TAFA5: variants seen among roughly 807,000 people sequenced by gnomAD.
TAFA5 encodes chemokine-like protein TAFA-5.
Under a neutral mutation model 15.3 loss-of-function variants are expected in TAFA5, and 6 were observed. The observed-to-expected ratio is 0.39, with a 90% CI of 0.21 to 0.77. The LOEUF (loss-of-function observed/expected upper bound fraction) is 0.77. Ranked by LOEUF, TAFA5 falls within the 30% of genes least tolerant of loss-of-function variation. TAFA5 has a pLI of 0.41. For synonymous variants in TAFA5, 103 were observed against 80.7 expected, an observed-to-expected ratio of 1.28 and a Z score of -1.48; for missense variants, 161 against 193.1, an observed-to-expected ratio of 0.83 and a Z score of 0.98.
chr22:48,745,528 T>A (rs1335614169), intron 3 of TAFA5, among the ~76,000 whole-genome samples: 1 of 151,940 alleles, frequency 6.6e-6, no homozygotes, highest in African/African-American at 2.4e-5. Flanking sequence ...CACGGCTTTG[T>A]CGTCGGCAGC....
At chr22:48,597,366 G>A (rs771686046) in intron 1 of TAFA5, among the ~76,000 whole-genome samples, 8 of 147,856 alleles carry the variant, frequency 5.4e-5, no homozygotes, top group South Asian at 2.2e-4. Flanking sequence ...TCTTCACCAC[G>A]CCACCTGGCC....
intron 3 of TAFA5, among the ~76,000 whole-genome samples, chr22:48,720,695 A>G (rs1259393933): frequency 1.3e-5 from 2 of 152,068 alleles, no homozygotes; most frequent in African/African-American, 2.4e-5. Flanking sequence ...AGTTCTCATT[A>G]TGTTCACAAT....
chr22:48,600,570 G>A (rs115609278), intron 1 of TAFA5, among the ~76,000 whole-genome samples: 4,560 of 18,212 alleles, frequency 0.25, 230 homozygotes, highest in African/African-American at 0.43. Context: ...GTGATTTCGT[G>A]TGTGTGTGCA....
chr22:48,620,972 A>G, intron 1 of TAFA5, among the ~76,000 whole-genome samples: 1 of 57,202 alleles, frequency 1.7e-5, no homozygotes, highest in Non-Finnish European at 3.5e-5. Flanking sequence ...CACCTATCCT[A>G]TTCATCCATC....
chr22:48,508,601 G>C (rs971965967), intron 1 of TAFA5, among the ~76,000 whole-genome samples: 2 of 152,184 alleles, frequency 1.3e-5, no homozygotes, highest in African/African-American at 4.8e-5. Context: ...ATCCTCATGG[G>C]TCCCAGGACT....
At chr22:48,548,685 A>T (rs941032385) in intron 1 of TAFA5, among the ~76,000 whole-genome samples, 2 of 152,258 alleles carry the variant, frequency 1.3e-5, no homozygotes, top group Non-Finnish European at 2.9e-5. Context: ...CATCACTGCC[A>T]GCCCCTCCAG....
intron 2 of TAFA5, among the ~76,000 whole-genome samples, chr22:48,699,915 G>A (rs1485400816): frequency 6.6e-6 from 1 of 152,134 alleles, no homozygotes; most frequent in Non-Finnish European, 1.5e-5. Context: ...AGAGCAGCTC[G>A]CACACCCCAC....
Position 48,534,475 on chromosome 22 carries a change from C to T in TAFA5, c.112+44771C>T, listed in dbSNP as rs181672830. 7.2e-5 allele frequency among the ~76,000 whole-genome samples: 11 copies of T among 152,144 alleles called. No individual in the cohort carries two copies. In the South Asian group the frequency reaches 1.2e-3, roughly 17 times the overall value. ...GAGTGTGGAGGCAGAGAGGAGGGGC[C>T]GTGTCAGCTGAGCAGCAGGTCCAGG... On this transcript the variant is annotated intron_variant, in intron 1 of 3. Transcript: ENST00000402357.
At chr22:48,509,159 T>A (rs1424097779) in intron 1 of TAFA5, among the ~76,000 whole-genome samples, 3 of 152,240 alleles carry the variant, frequency 2.0e-5, no homozygotes, top group African/African-American at 7.2e-5. Flanking sequence ...TCTTTACGGC[T>A]GAATACTACT....
Position 48,489,705 on chromosome 22 carries a change from G to T in TAFA5, c.112+1G>T. The T allele has an allele frequency of 6.8e-7, 1 of 1,474,462 alleles. No individual in the cohort carries two copies. Among genetic ancestry groups the T allele is most frequent in the Non-Finnish European group, 9.0e-7 (1 of 1,105,848 alleles). 91.3% of individuals were successfully genotyped at this position (1,474,462 alleles called of 1,614,324 possible). A position where few individuals can be genotyped will look rare whatever the true frequency, so the allele number is the denominator to read the frequency against. On this transcript the variant is annotated splice_donor_variant, in intron 1 of 3. Transcript: ENST00000402357. LOFTEE classifies it high-confidence loss of function. The surrounding 1 kb of genome is among the most constrained non-coding windows in gnomAD (Gnocchi z 5.5). ...GCCAGCCTGCTCATCGCCTACTGCA[G>T]TGAGTACCGCGCGGCCCCGGCCCCG...
At chr22:48,693,510 G>C (rs1350133038) in intron 2 of TAFA5, 1 of 1,522,144 alleles carries the variant, frequency 6.6e-7, no homozygotes, top group Non-Finnish European at 8.9e-7. Flanking sequence ...TCCCAGAGGA[G>C]ACCAGCAGGT....
At chr22:48,571,608 C>CTTTTTTTTTTTTTTT (rs1601586303) in intron 1 of TAFA5, among the ~76,000 whole-genome samples, 3 of 33,536 alleles carry the variant, frequency 8.9e-5, no homozygotes, top group African/African-American at 1.1e-4. Context: ...TTTTTTTTTG[C>CTTTTTTTTTTTTTTT]TTTAAAAAAA....
chr22:48,575,135 CCT>C (rs997636915), intron 1 of TAFA5, among the ~76,000 whole-genome samples: 1 of 152,144 alleles, frequency 6.6e-6, no homozygotes, highest in African/African-American at 2.4e-5. Flanking sequence ...CTGGGGTTTC[CCT>C]GTCTCTCCTG....
At chr22:48,696,544 T>C (rs957123613) in intron 2 of TAFA5, among the ~76,000 whole-genome samples, 1 of 151,822 alleles carries the variant, frequency 6.6e-6, no homozygotes, top group Non-Finnish European at 1.5e-5. Context: ...GGTCCCGGAG[T>C]GAATGGGTGG....
At chr22:48,572,968 T>A (rs1275296327) in intron 1 of TAFA5, among the ~76,000 whole-genome samples, 2 of 152,214 alleles carry the variant, frequency 1.3e-5, no homozygotes, top group African/African-American at 4.8e-5. Context: ...TTAAATTTCG[T>A]TTAGAGACAT....
chr22:48,507,580 C>T (rs952357049), intron 1 of TAFA5, among the ~76,000 whole-genome samples: 11 of 152,184 alleles, frequency 7.2e-5, no homozygotes, highest in East Asian at 5.8e-4. Flanking sequence ...GAGTTGCTTC[C>T]GTGGCATCCA....
At chr22:48,729,075 A>G (rs944683913) in intron 3 of TAFA5, among the ~76,000 whole-genome samples, 1 of 152,080 alleles carries the variant, frequency 6.6e-6, no homozygotes, top group Non-Finnish European at 1.5e-5. Context: ...ACTACCATAC[A>G]TAACTGAAGG....
chr22:48,564,445 G>A (rs965717978), intron 1 of TAFA5, among the ~76,000 whole-genome samples: 9 of 152,252 alleles, frequency 5.9e-5, no homozygotes, highest in African/African-American at 1.7e-4. Flanking sequence ...CAGAGGCTGT[G>A]GGTTGGCTTC....
intron 3 of TAFA5, among the ~76,000 whole-genome samples, chr22:48,743,992 C>G (rs1025565133): frequency 2.6e-5 from 4 of 152,196 alleles, no homozygotes; most frequent in Admixed American, 2.6e-4. Flanking sequence ...GTTAATTTTT[C>G]TGCGTAGTTT....
Sources: gnomAD v4.1 joint callset for allele counts (sites outside exome capture counted in the v4.1 genomes callset) on GRCh38, gnomAD v4.1.1 for gene constraint, Gnocchi (gnomAD v3.1) non-coding constraint, MANE v1.5 for transcripts, NCBI Gene and HGNC (gene_info 2026-07-23, HGNC 2026-07-21) for gene names.